Variants in FBXL2 observed in about 807,000 individuals in gnomAD.
The protein encoded by FBXL2 is F-box and leucine rich repeat protein 2.
In FBXL2, 38 loss-of-function variants were observed where a neutral mutation model predicts 69.2. That is an observed-to-expected ratio of 0.55 (90% CI 0.42 to 0.72). The LOEUF is 0.72. FBXL2 is among the 30% of genes least tolerant of loss of function. The pLI is 0.00. For missense variants in FBXL2, 354 were observed against 520.3 expected (o/e 0.68, Z 3.11); for synonymous variants, 192 against 201.3 (o/e 0.95, Z 0.39).
intron 2 of FBXL2, among the ~76,000 whole-genome samples, chr3:33,326,316 C>CG (rs1178284290): frequency 6.6e-6 from 1 of 151,842 alleles, no homozygotes; most frequent in Non-Finnish European, 1.5e-5. Context: ...CTGGCTAACA[C>CG]GGTGAAACCC....
At chr3:33,315,410 T>G (rs2037599173) in intron 2 of FBXL2, among the ~76,000 whole-genome samples, 1 of 151,710 alleles carries the variant, frequency 6.6e-6, no homozygotes, top group Non-Finnish European at 1.5e-5. Flanking sequence ...TAGTTTTACC[T>G]GCCATTTCTT....
intron 2 of FBXL2, among the ~76,000 whole-genome samples, chr3:33,312,660 A>G (rs1279505043): frequency 6.6e-6 from 1 of 152,176 alleles, no homozygotes; most frequent in East Asian, 1.9e-4. Flanking sequence ...TAGCTACTAT[A>G]TATTATACTC....
chr3:33,402,780 A>G (rs1290720843), intron 12 of FBXL2: 1 of 1,500,310 alleles, frequency 6.7e-7, no homozygotes, highest in Admixed American at 2.4e-5. Context: ...CTGCAGGCAC[A>G]CGATCACACA....
intron 4 of FBXL2, among the ~76,000 whole-genome samples, chr3:33,363,713 TC>T (rs774736141): frequency 2.7e-4 from 41 of 152,206 alleles, no homozygotes; most frequent in Non-Finnish European, 4.7e-4. Context: ...TCTTCTGTAT[TC>T]CACACATACT....
intron 2 of FBXL2, among the ~76,000 whole-genome samples, chr3:33,343,217 G>A (rs972234652): frequency 2.0e-5 from 3 of 151,820 alleles, no homozygotes; most frequent in African/African-American, 4.8e-5. Context: ...TGTATATGTA[G>A]GTCTAGTTCT....
chr3:33,335,736 G>A (rs137949411), intron 2 of FBXL2, among the ~76,000 whole-genome samples: 4 of 152,152 alleles, frequency 2.6e-5, no homozygotes, highest in African/African-American at 9.6e-5. Flanking sequence ...AAAGTAGATG[G>A]GACAAATGGG....
At chr3:33,303,760 A>T (rs2036486412) in intron 2 of FBXL2, among the ~76,000 whole-genome samples, 1 of 152,124 alleles carries the variant, frequency 6.6e-6, no homozygotes, top group Non-Finnish European at 1.5e-5. Context: ...ATTCTTCAAT[A>T]TGCAAAGAAA....
At chr3:33,293,335 A>G (rs1230565080) in intron 1 of FBXL2, among the ~76,000 whole-genome samples, 1 of 152,226 alleles carries the variant, frequency 6.6e-6, no homozygotes, top group African/African-American at 2.4e-5. Context: ...AGAGGAAACT[A>G]TGGCATAGAA....
At chr3:33,292,134 C>A (rs936854642) in intron 1 of FBXL2, among the ~76,000 whole-genome samples, 1 of 152,150 alleles carries the variant, frequency 6.6e-6, no homozygotes, top group Non-Finnish European at 1.5e-5. Flanking sequence ...AATCACAGCA[C>A]TTTGGAAGGC....
the FBXL2 span, chr3:33,408,718 T>C: frequency 1.2e-6 from 2 of 1,614,040 alleles, no homozygotes; most frequent in Non-Finnish European, 1.7e-6. Context: ...AGAATCACCG[T>C]AGTCTGCTGG....
chr3:33,412,884 A>G, the FBXL2 span: 1 of 1,091,702 alleles, frequency 9.2e-7, no homozygotes, highest in Non-Finnish European at 1.4e-6. Flanking sequence ...AAAATGCAGG[A>G]CCATTTCTAC....
At chr3:33,416,046 T>C in the FBXL2 span, 3 of 152,080 alleles carry the variant, frequency 2.0e-5, no homozygotes, top group African/African-American at 4.8e-5. Context: ...GTCTTTCCAA[T>C]AGAATGCCCC....
Position 33,373,085 on chromosome 3 carries a change from A to AT in FBXL2, c.291-3dup. On this transcript the variant is annotated splice_region_variant and splice_polypyrimidine_tract_variant and intron_variant, in intron 5 of 14. Coordinates refer to ENST00000484457, the MANE Select transcript of FBXL2 (RefSeq NM_012157.5). ...GCAGGGAGCTTTAAAATGTTTTCTC[A>AT]TTTTAGGACCTTTGCACAGAACTGC... The AT allele has an allele frequency of 6.2e-7, 1 of 1,614,074 alleles. No individual in the cohort carries two copies. The highest frequency in any genetic ancestry group is 8.5e-7 in the Non-Finnish European group (1 of 1,179,898).
intron 2 of FBXL2, among the ~76,000 whole-genome samples, chr3:33,298,707 A>AG (rs1438643884): frequency 6.6e-6 from 1 of 151,648 alleles, no homozygotes; most frequent in Non-Finnish European, 1.5e-5. Flanking sequence ...AAAAAAAAAA[A>AG]AAAAAAAAAA....
chr3:33,416,707 CTCAT>C, the FBXL2 span: 5 of 1,347,746 alleles, frequency 3.7e-6, no homozygotes, highest in Admixed American at 2.2e-5. Flanking sequence ...TAAACAAAAA[CTCAT>C]TCAATCACAG....
intron 2 of FBXL2, among the ~76,000 whole-genome samples, chr3:33,345,015 G>C (rs2040331156): frequency 1.3e-5 from 2 of 152,320 alleles, no homozygotes; most frequent in Middle Eastern, 3.4e-3. Context: ...CAGATGTTAA[G>C]ATAGAAACAA....
At chr3:33,400,411 CCCAA>C in intron 12 of FBXL2, 2 of 605,490 alleles carry the variant, frequency 3.3e-6, no homozygotes, top group Non-Finnish European at 5.6e-6. Context: ...ACTCCAGCAA[CCCAA>C]ATGATGCAGG....
chr3:33,292,513 T>C (rs1449649118), intron 1 of FBXL2, among the ~76,000 whole-genome samples: 3 of 152,102 alleles, frequency 2.0e-5, no homozygotes, highest in Non-Finnish European at 2.9e-5. Context: ...CTATCACTAA[T>C]TGACAGAACT....
At position 33,385,624 on chromosome 3, in the gene FBXL2, C is replaced by A; in HGVS notation, c.*16C>A. 3 of 1,604,416 alleles carry A rather than the reference C, an allele frequency of 1.9e-6. No homozygotes were observed. The highest frequency in any genetic ancestry group is 4.5e-5 in the East Asian group (2 of 44,824). ...CATTCTCTGACAGCAGCTGCCTGGG[C>A]CCAAGGGGTGATGAGGCATCCTTTC... On this transcript the variant is annotated 3_prime_UTR_variant, in exon 15 of 15. Transcript: ENST00000484457.
Sources: allele counts gnomAD v4.1 joint callset (sites outside exome capture counted in the v4.1 genomes callset), GRCh38; gene constraint gnomAD v4.1.1; transcripts MANE v1.5; gene names NCBI Gene and HGNC (gene_info 2026-07-23, HGNC 2026-07-21).